EPB41L2: variants seen among roughly 807,000 people sequenced by gnomAD.
The protein encoded by EPB41L2 is band 4.1-like protein 2.
A neutral mutation model predicts 113.0 loss-of-function variants in EPB41L2; 43 were observed. That is an observed-to-expected ratio of 0.38 (90% CI 0.30 to 0.49). The LOEUF (loss-of-function observed/expected upper bound fraction) is 0.49. Among genes scored for constraint, EPB41L2 ranks in the 20% least tolerant of loss-of-function variants. The pLI, the probability that EPB41L2 is intolerant of heterozygous loss-of-function variation, is 0.95. For missense variants in EPB41L2, 1,147 were observed against 1,223.4 expected (o/e 0.94, Z 0.93); for synonymous variants, 442 against 436.7 (o/e 1.01, Z -0.15).
intron 1 of EPB41L2, among the ~76,000 whole-genome samples, chr6:130,985,647 C>A (rs1168714241): frequency 1.3e-5 from 2 of 152,120 alleles, no homozygotes; most frequent in Non-Finnish European, 2.9e-5. Context: ...AGTTGGTGAC[C>A]TGGGCAGTGA....
chr6:131,011,978 G>A (rs1283857086), intron 1 of EPB41L2, among the ~76,000 whole-genome samples: 1 of 152,200 alleles, frequency 6.6e-6, no homozygotes, highest in Non-Finnish European at 1.5e-5. Context: ...ACCAAGGCAG[G>A]TGGCTCACTT....
chr6:131,052,546 G>A (rs995299599), intron 1 of EPB41L2, among the ~76,000 whole-genome samples: 1 of 152,198 alleles, frequency 6.6e-6, no homozygotes, highest in African/African-American at 2.4e-5. Context: ...AAGGATGGGT[G>A]CAAAGAAAAC....
chr6:130,866,940 A>G (rs1354248558), intron 16 of EPB41L2, among the ~76,000 whole-genome samples: 1 of 152,042 alleles, frequency 6.6e-6, no homozygotes, highest in African/African-American at 2.4e-5. Context: ...ATTCCACACG[A>G]AGGAGAAGCA....
At chr6:130,996,058 C>T (rs1321212859) in intron 1 of EPB41L2, among the ~76,000 whole-genome samples, 2 of 152,208 alleles carry the variant, frequency 1.3e-5, no homozygotes, top group African/African-American at 4.8e-5. Context: ...GATACTCTGT[C>T]TCTTCTTTGG....
intron 1 of EPB41L2, among the ~76,000 whole-genome samples, chr6:130,982,232 T>C (rs1020757730): frequency 2.0e-5 from 3 of 152,218 alleles, no homozygotes; most frequent in Non-Finnish European, 4.4e-5. Flanking sequence ...TATGTTTCTA[T>C]AGCAACACCA....
At chr6:130,960,438 A>G (rs1397470649) in intron 1 of EPB41L2, among the ~76,000 whole-genome samples, 1 of 152,224 alleles carries the variant, frequency 6.6e-6, no homozygotes, top group East Asian at 1.9e-4. Flanking sequence ...CAGACACTGA[A>G]GACAAAGTAC....
intron 12 of EPB41L2, chr6:130,881,807 T>C (rs958070981): frequency 3.3e-5 from 5 of 152,122 alleles, no homozygotes; most frequent in African/African-American, 1.2e-4. Flanking sequence ...TTCACATACA[T>C]TTGTTAAAGA....
chr6:130,956,533 T>G (rs1817500536), intron 1 of EPB41L2, 34 bp from the exon 2 acceptor site: 3 of 1,550,986 alleles, frequency 1.9e-6, no homozygotes, highest in Non-Finnish European at 2.6e-6. Context: ...AAATGTCATT[T>G]TGTAAGTTCT....
intron 3 of EPB41L2, among the ~76,000 whole-genome samples, chr6:130,937,365 A>G (rs1370437076): frequency 6.6e-6 from 1 of 152,148 alleles, no homozygotes; most frequent in Non-Finnish European, 1.5e-5. Flanking sequence ...CCAGCATTCA[A>G]CTATCTGCCT....
rs545489841 is a variant in EPB41L2 at position 131,057,548 on chromosome 6, G to A, written c.-15+5607C>T. On this transcript the variant is annotated intron_variant, in intron 1 of 19. Transcript: ENST00000337057. Reference sequence around the variant, plus strand: ...GTAGGAAACTCTGAAAAATATGAGTGAATTCAGCACTGTTGTTATAATGGC... The same window carrying A: ...GTAGGAAACTCTGAAAAATATGAGTAAATTCAGCACTGTTGTTATAATGGC... Among the ~76,000 whole-genome samples, 3 of 152,298 alleles carry A rather than the reference G, an allele frequency of 2.0e-5. No individual in the cohort carries two copies. The East Asian group carries it at 5.8e-4, about 29-fold the overall frequency.
chr6:130,961,391 A>G (rs753208049), intron 1 of EPB41L2, among the ~76,000 whole-genome samples: 1 of 152,220 alleles, frequency 6.6e-6, no homozygotes, highest in Non-Finnish European at 1.5e-5. Context: ...ACCATCATCA[A>G]TAGAGGATCA....
intron 1 of EPB41L2, among the ~76,000 whole-genome samples, chr6:131,024,534 A>G (rs1790394518): frequency 6.6e-6 from 1 of 152,202 alleles, no homozygotes; most frequent in Non-Finnish European, 1.5e-5. Flanking sequence ...TATCAACCAC[A>G]AGAGCTATTC....
chr6:130,910,589 T>C (rs959979496), intron 4 of EPB41L2, among the ~76,000 whole-genome samples: 36 of 152,184 alleles, frequency 2.4e-4, no homozygotes, highest in African/African-American at 5.8e-4. Context: ...AGTGAACAGG[T>C]AACCTACAGA....
intron 19 of EPB41L2, among the ~76,000 whole-genome samples, chr6:130,847,729 T>C (rs549916581): frequency 5.3e-4 from 80 of 152,320 alleles, no homozygotes; most frequent in African/African-American, 1.9e-3. Flanking sequence ...CTCAAATCAC[T>C]GAAGCCGTAA....
chr6:130,943,516 G>T (rs1336661702), intron 3 of EPB41L2, among the ~76,000 whole-genome samples: 1 of 152,188 alleles, frequency 6.6e-6, no homozygotes, highest in Non-Finnish European at 1.5e-5. Context: ...CAAGGAGTTG[G>T]CATGGCTGCC....
chr6:130,886,753 CCTCCTGAGTAGCTGGGATTA>C (rs1791130476), intron 11 of EPB41L2, among the ~76,000 whole-genome samples: 1 of 152,138 alleles, frequency 6.6e-6, no homozygotes, highest in Non-Finnish European at 1.5e-5. Context: ...CCTGCCTCAG[CCTCCTGAGTAGCTGGGATTA>C]CAGGCACGCG....
intron 4 of EPB41L2, among the ~76,000 whole-genome samples, chr6:130,911,179 G>A (rs1027432230): frequency 2.0e-5 from 3 of 152,154 alleles, no homozygotes; most frequent in Non-Finnish European, 2.9e-5. Flanking sequence ...TATACACCAC[G>A]AAATACTATG....
At chr6:130,987,523 T>C (rs1002481665) in intron 1 of EPB41L2, among the ~76,000 whole-genome samples, 3 of 152,072 alleles carry the variant, frequency 2.0e-5, no homozygotes, top group Admixed American at 6.6e-5. Flanking sequence ...TGAAACCCTG[T>C]CTCTACTAAA....
chr6:130,928,268 G>A (rs1805463409), intron 3 of EPB41L2, among the ~76,000 whole-genome samples: 2 of 152,110 alleles, frequency 1.3e-5, no homozygotes, highest in Admixed American at 6.5e-5. Flanking sequence ...GAGAATAAGA[G>A]TATTGGGCTC....
Sources: gnomAD v4.1 joint callset for allele counts (sites outside exome capture counted in the v4.1 genomes callset) on GRCh38, gnomAD v4.1.1 for gene constraint, MANE v1.5 for transcripts, NCBI Gene and HGNC (gene_info 2026-07-23, HGNC 2026-07-21) for gene names.